Variants in OSBPL3 observed in about 807,000 individuals in gnomAD.
OSBPL3 encodes the protein oxysterol binding protein like 3, also known as oxysterol-binding protein-related protein 3.
In OSBPL3, 65 loss-of-function variants were observed where a neutral mutation model predicts 120.1. That is an observed-to-expected ratio of 0.54 (90% confidence interval 0.44 to 0.67). The LOEUF (loss-of-function observed/expected upper bound fraction) is 0.67. Among genes scored for constraint, OSBPL3 ranks in the 30% least tolerant of loss-of-function variants. The probability of loss-of-function intolerance (pLI) is 0.00; values close to 1 mark genes in which losing one functional copy is unlikely to be tolerated. For synonymous variants in OSBPL3, 416 were observed against 402.6 expected (o/e 1.03, Z -0.40); for missense variants, 1,004 against 1,082.1 (o/e 0.93, Z 1.01).
Position 24,849,209 on chromosome 7 carries a change from A to G in OSBPL3, c.1159-33T>C, listed in dbSNP as rs780426394. On this transcript the variant is annotated intron_variant, in intron 11 of 22. Transcript: ENST00000313367. The surrounding 1 kb of genome is among the most constrained non-coding windows in gnomAD (Gnocchi z 5.4). Reference sequence around the variant, plus strand: ...ATGTTAAAATAGTGGGGCTCTGTTAATAAATGGATGTTTCAGAAAAGCACA... The same window carrying G: ...ATGTTAAAATAGTGGGGCTCTGTTAGTAAATGGATGTTTCAGAAAAGCACA... The G allele has an allele frequency of 2.0e-6, 3 of 1,527,516 alleles. No homozygotes were observed. In the South Asian group the frequency reaches 3.4e-5, roughly 17 times the overall value. The allele number at this position is 1,527,516 out of a possible 1,614,324, so 94.6% of individuals were successfully genotyped here. A position where few individuals can be genotyped will look rare whatever the true frequency, so the allele number is the denominator to read the frequency against.
At chr7:24,892,678 C>T in intron 1 of OSBPL3, 57 bp from the exon 2 acceptor site, 1 of 1,252,456 alleles carries the variant, frequency 8.0e-7, no homozygotes, top group Non-Finnish European at 1.0e-6. Flanking sequence ...CTCTAATTTG[C>T]CACAAATTGT....
intron 1 of OSBPL3, among the ~76,000 whole-genome samples, chr7:24,949,840 C>T (rs545406446): frequency 3.9e-5 from 6 of 152,258 alleles, no homozygotes; most frequent in Admixed American, 1.3e-4. Context: ...CCTCTCTCCC[C>T]GCTCCCTCAG....
chr7:24,844,313 G>C (rs1254996260), intron 12 of OSBPL3, among the ~76,000 whole-genome samples: 1 of 152,084 alleles, frequency 6.6e-6, no homozygotes, highest in Non-Finnish European at 1.5e-5. Flanking sequence ...GCCCAGGATG[G>C]CTTTGAATGT....
rs1204935740 is a variant in OSBPL3 at position 24,937,021 on chromosome 7, G to A, written c.-150+42865C>T. On this transcript the variant is annotated intron_variant, in intron 1 of 22. Transcript: ENST00000313367. This position sits in a 1 kb window ranked among gnomAD's most constrained non-coding sequence, Gnocchi z 4.0. ...TGCTAATAAAGACATACCCAAGACT[G>A]GGTAATTTATAAAGGAAAGAGGTTT... is the stretch of plus-strand genomic sequence containing the variant. Among the ~76,000 whole-genome samples the A allele has an allele frequency of 6.6e-6, 1 of 152,148 alleles. No individual in the cohort carries two copies. The highest frequency in any genetic ancestry group is 1.5e-5 in the Non-Finnish European group (1 of 68,026).
chr7:24,858,901 TA>T (rs1004197373), intron 10 of OSBPL3, among the ~76,000 whole-genome samples: 10 of 152,210 alleles, frequency 6.6e-5, no homozygotes, highest in Non-Finnish European at 1.5e-4. Flanking sequence ...TCTCATTGTT[TA>T]AAAGTTTGTA....
intron 1 of OSBPL3, among the ~76,000 whole-genome samples, chr7:24,892,883 T>C (rs1205836634): frequency 1.3e-5 from 2 of 152,210 alleles, no homozygotes; most frequent in African/African-American, 4.8e-5. Context: ...ACAAAATCAG[T>C]ACTATAAAAA....
chr7:24,902,700 TA>T (rs1401414440), intron 1 of OSBPL3, among the ~76,000 whole-genome samples: 14 of 75,044 alleles, frequency 1.9e-4, no homozygotes, highest in South Asian at 6.2e-4. Flanking sequence ...CAAGAGAAAA[TA>T]AATAATAATA....
At chr7:24,850,891 T>C (rs1189674750) in intron 11 of OSBPL3, among the ~76,000 whole-genome samples, 2 of 152,228 alleles carry the variant, frequency 1.3e-5, no homozygotes, top group African/African-American at 2.4e-5. Context: ...TAAACCCCAA[T>C]TGTGAATCCA....
chr7:24,866,905 G>A (rs571098308), intron 5 of OSBPL3, among the ~76,000 whole-genome samples: 18 of 152,218 alleles, frequency 1.2e-4, no homozygotes, highest in Non-Finnish European at 2.2e-4. Context: ...AGGTTCAAGC[G>A]ATCTCTTGCC....
Position 24,799,669 on chromosome 7 carries a change from C to T in OSBPL3, c.*514G>A, listed in dbSNP as rs1206519992. 1.3e-5 allele frequency: 2 copies of T among 152,726 alleles called. No individual in the cohort carries two copies. Among genetic ancestry groups the T allele is most frequent in the East Asian group, 1.9e-4 (1 of 5,184 alleles). 9.5% of individuals were successfully genotyped at this position (152,726 alleles called of 1,614,324 possible). ...GCAAATGAAAATATTCTTCAGACTC[C>T]AGCACCAGCAGAATTGTTCTGTATG... On this transcript the variant is annotated 3_prime_UTR_variant, in exon 23 of 23. Coordinates refer to ENST00000313367, the MANE Select transcript of OSBPL3 (RefSeq NM_015550.4). The surrounding 1 kb of genome is among the most constrained non-coding windows in gnomAD (Gnocchi z 5.3).
intron 1 of OSBPL3, among the ~76,000 whole-genome samples, chr7:24,903,078 G>A (rs1267237008): frequency 6.6e-6 from 1 of 152,210 alleles, no homozygotes; most frequent in East Asian, 1.9e-4. Flanking sequence ...TGGGCTGTTG[G>A]CAAGATGTTC....
chr7:24,860,948 T>C (rs1365175597), intron 10 of OSBPL3, among the ~76,000 whole-genome samples: 1 of 152,202 alleles, frequency 6.6e-6, no homozygotes, highest in Non-Finnish European at 1.5e-5. Flanking sequence ...TGCTCAGAAA[T>C]GAGTGTTGGG....
rs758114166 is a variant in OSBPL3, at chr7:24,840,827, A to G, written c.1402-44T>C. ...AACATTCATTAGAGTTAGAATAAAC[A>G]AGAGCCAGATTTTCATAAAACCCTT... is the stretch of plus-strand genomic sequence containing the variant. On this transcript the variant is annotated intron_variant, in intron 13 of 22. Transcript: ENST00000313367. The G allele has an allele frequency of 6.8e-6, 6 of 888,728 alleles. No individual in the cohort carries two copies. The South Asian group carries it at 9.1e-5, about 14-fold the overall frequency. 55.1% of individuals were successfully genotyped at this position (888,728 alleles called of 1,614,324 possible).
In OSBPL3 at chr7:24,827,945, T is replaced by C. The variant is rs765856198; in HGVS notation, c.1884+2823A>G. ...TTTGAACATAAGAAAGTATATATTA[T>C]AGATATATGCCTTTCTAGTTTTCTT... On this transcript the variant is annotated intron_variant, in intron 16 of 22. Transcript: ENST00000313367. This position sits in a 1 kb window ranked among gnomAD's most constrained non-coding sequence, Gnocchi z 5.1. Among the ~76,000 whole-genome samples the C allele has an allele frequency of 6.6e-6, 1 of 152,248 alleles. No homozygotes were observed. Among genetic ancestry groups the C allele is most frequent in the Admixed American group, 6.5e-5 (1 of 15,288 alleles).
rs190463284 is a variant in OSBPL3, at chr7:24,950,524, C to T, written c.-150+29362G>A. Among the ~76,000 whole-genome samples, 709 of 152,300 alleles carry T rather than the reference C, an allele frequency of 4.7e-3. 9 individuals are homozygous for T. The highest frequency in any genetic ancestry group is 0.015 in the African/African-American group (632 of 41,550). On this transcript the variant is annotated intron_variant, in intron 1 of 22. Transcript: ENST00000313367. ...GATCACGAGGTCAGGAGATCGAAAC[C>T]ATCCTGGCTAACATGGTGAAACCCC... is the stretch of plus-strand genomic sequence containing the variant.
In OSBPL3 at chr7:24,819,251, CAAAAAAAA is replaced by C. The variant is rs143386888; in HGVS notation, c.1948+916_1948+923del. Among the ~76,000 whole-genome samples the C allele has an allele frequency of 3.7e-5, 4 of 109,062 alleles. No homozygotes were observed. Among genetic ancestry groups the C allele is most frequent in the Admixed American group, 3.2e-4 (3 of 9,380 alleles). 71.5% of individuals were successfully genotyped at this position (109,062 alleles called of 152,430 possible). ...CTAGCAACAGACTGAGACTCCATTT[CAAAAAAAA>C]AAAAAAAAAATCCAACTTTTGAAAA... On this transcript the variant is annotated intron_variant, in intron 17 of 22. Transcript: ENST00000313367. This position sits in a 1 kb window ranked among gnomAD's most constrained non-coding sequence, Gnocchi z 4.1.
Position 24,834,501 on chromosome 7 carries a change from G to C in OSBPL3, c.1731C>G (p.Ser577Arg), listed in dbSNP as rs770899083. The C allele has an allele frequency of 6.2e-7, 1 of 1,611,438 alleles. No individual in the cohort carries two copies. The highest frequency in any genetic ancestry group is 1.3e-5 in the African/African-American group (1 of 75,034). The change falls in exon 15 of 23, where the codon AGC becomes AGG. Residue 577 changes from serine (S) to arginine (R), a missense_variant. Around this residue, in one of 4 missense-constraint regions of OSBPL3, gnomAD observed 473 missense variants for 568.0 expected, o/e 0.83. Coordinates refer to ENST00000313367, the MANE Select transcript of OSBPL3 (RefSeq NM_015550.4). The surrounding 1 kb of genome is among the most constrained non-coding windows in gnomAD (Gnocchi z 5.2). The part of the protein sequence containing the change: ...ELLDKAAQIP[S>R]PLERMVYVAA... ...GACTCCTCACCATCCTTTCCAGGGG[G>C]CTGGGAATCTGCGCGGCCTTGTCCA...
At chr7:24,904,015 G>A (rs898407454) in intron 1 of OSBPL3, among the ~76,000 whole-genome samples, 9 of 151,890 alleles carry the variant, frequency 5.9e-5, no homozygotes, top group South Asian at 2.1e-4. Context: ...CCCGAGTAGC[G>A]GAGATTGCAG....
Position 24,804,215 on chromosome 7 carries a change from G to T in OSBPL3, c.2567+100C>A. The T allele has an allele frequency of 7.2e-7, 1 of 1,385,548 alleles. No individual in the cohort carries two copies. Among genetic ancestry groups the T allele is most frequent in the South Asian group, 1.2e-5 (1 of 81,276 alleles). The allele number at this position is 1,385,548 out of a possible 1,614,324, so 85.8% of individuals were successfully genotyped here. A position where few individuals can be genotyped will look rare whatever the true frequency, so the allele number is the denominator to read the frequency against. On this transcript the variant is annotated intron_variant, in intron 22 of 22. Transcript: ENST00000313367. The surrounding 1 kb of genome is among the most constrained non-coding windows in gnomAD (Gnocchi z 5.4). ...TGGAAGCAGGAAAAGCCTGGAGAAT[G>T]CTCTTATCTGGGGACAGTACTGTTC... is the stretch of plus-strand genomic sequence containing the variant.
Sources: gnomAD v4.1 joint callset for allele counts (sites outside exome capture counted in the v4.1 genomes callset) on GRCh38, gnomAD v4.1.1 for gene constraint, gnomAD v4.1.1 regional missense constraint, Gnocchi (gnomAD v3.1) non-coding constraint, MANE v1.5 for transcripts, NCBI Gene and HGNC (gene_info 2026-07-23, HGNC 2026-07-21) for gene names.